The following SLC2A14 variants were observed in gnomAD, a reference collection of about 807,000 sequenced individuals.
SLC2A14 encodes the protein solute carrier family 2, facilitated glucose transporter member 14.
In SLC2A14, 13 loss-of-function variants were observed where a neutral mutation model predicts 43.0. The ratio of observed to expected loss-of-function variants is 0.30; its 90% CI spans 0.20 to 0.48. SLC2A14 has a LOEUF of 0.48. Ranked by LOEUF, SLC2A14 falls within the 20% of genes least tolerant of loss-of-function variation. The pLI is 0.99. For missense variants in SLC2A14, 428 were observed against 620.4 expected (o/e 0.69, Z 3.29); for synonymous variants, 190 against 233.8 (o/e 0.81, Z 1.71).
At chr12:7,886,693 T>C (rs886391439) in intron 1 of SLC2A14, among the ~76,000 whole-genome samples, 6 of 152,034 alleles carry the variant, frequency 3.9e-5, no homozygotes, top group African/African-American at 1.4e-4. Context: ...GAAGGAAGAC[T>C]GTTAGTTGTG....
intron 2 of SLC2A14, among the ~76,000 whole-genome samples, chr12:7,864,946 G>T (rs984477891): frequency 1.3e-5 from 2 of 152,056 alleles, no homozygotes; most frequent in Non-Finnish European, 2.9e-5. Flanking sequence ...CCGTAAAGAG[G>T]CCTTCCCTGA....
rs375774869 is a variant in SLC2A14, at chr12:7,814,396, C to A, written c.1414G>T (p.Gly472Cys). The A allele has an allele frequency of 6.2e-7, 1 of 1,612,954 alleles. No homozygotes were observed. The highest frequency in any genetic ancestry group is 1.3e-5 in the African/African-American group (1 of 74,750). The change falls in exon 11 of 11, where the codon GGT (glycine) becomes TGT (cysteine). Residue 472 changes from glycine (G) to cysteine (C), a missense_variant. Physicochemically the swap from Gly to Cys is radical, Grantham distance 159. Around this residue, in one of 4 missense-constraint regions of SLC2A14, gnomAD observed 119 missense variants for 188.7 expected, o/e 0.63. Transcript: ENST00000431042. Reference sequence around the variant, plus strand: ...CCGTCCTTCCCAGATCTATCTGCACCGTGTGCCTGCCCTTCAAAGGCCCGT... The same window carrying A: ...CCGTCCTTCCCAGATCTATCTGCACAGTGTGCCTGCCCTTCAAAGGCCCGT... Reference protein sequence around the residue: ...ITRAFEGQAHGADRSGKDGVM... With the variant: ...ITRAFEGQAHCADRSGKDGVM...
chr12:7,887,600 G>C (rs887865002), intron 1 of SLC2A14, among the ~76,000 whole-genome samples: 3 of 133,514 alleles, frequency 2.2e-5, no homozygotes, highest in Non-Finnish European at 3.4e-5. Flanking sequence ...TAGATAGATA[G>C]ATAGATAGAT....
chr12:7,860,762 G>C (rs779123391), intron 2 of SLC2A14: 1 of 152,254 alleles, frequency 6.6e-6, no homozygotes, highest in South Asian at 2.1e-4. Context: ...GTCAGGAATT[G>C]AGGCTGCTCC....
chr12:7,842,647 T>TG (rs1042905877), intron 2 of SLC2A14, among the ~76,000 whole-genome samples: 8 of 148,828 alleles, frequency 5.4e-5, no homozygotes, highest in African/African-American at 2.0e-4. Flanking sequence ...ACCACCCCCC[T>TG]CCCCCCACTC....
At chr12:7,879,327 C>CAA (rs767648631) in intron 1 of SLC2A14, among the ~76,000 whole-genome samples, 3 of 100,298 alleles carry the variant, frequency 3.0e-5, no homozygotes, top group Non-Finnish European at 4.4e-5. Context: ...AAACAAACAA[C>CAA]AACAAAAAAA....
chr12:7,870,298 C>T (rs1279199170), intron 1 of SLC2A14, among the ~76,000 whole-genome samples: 1 of 152,124 alleles, frequency 6.6e-6, no homozygotes, highest in East Asian at 1.9e-4. Context: ...ATCTTGCTGT[C>T]ATAAAATTCT....
chr12:7,827,026 TTCTC>T (rs146937438), intron 7 of SLC2A14, among the ~76,000 whole-genome samples: 26,276 of 132,366 alleles, frequency 0.2, 2,886 homozygotes, highest in East Asian at 0.37. Context: ...TTTCTCTCCT[TTCTC>T]TCTCTTTCTC....
chr12:7,880,613 G>T (rs1370716408), intron 1 of SLC2A14, among the ~76,000 whole-genome samples: 1 of 150,486 alleles, frequency 6.6e-6, no homozygotes, highest in Non-Finnish European at 1.5e-5. Context: ...TGGATCACGA[G>T]GTCAGGAGAT....
At chr12:7,868,223 G>A (rs999808884) in intron 2 of SLC2A14, among the ~76,000 whole-genome samples, 3 of 152,168 alleles carry the variant, frequency 2.0e-5, no homozygotes, top group African/African-American at 7.2e-5. Flanking sequence ...ATTATGACAT[G>A]CTGAAGGCTC....
intron 1 of SLC2A14, chr12:7,872,527 C>T (rs1251370652): frequency 6.5e-6 from 1 of 153,410 alleles, no homozygotes; most frequent in South Asian, 2.1e-4. Context: ...TGTCTCTTCC[C>T]TAGAATATAC....
At chr12:7,884,074 C>T (rs1203316242) in intron 1 of SLC2A14, among the ~76,000 whole-genome samples, 6 of 148,484 alleles carry the variant, frequency 4.0e-5, no homozygotes, top group Admixed American at 6.8e-5. Context: ...CAGGCGCCTG[C>T]CACCACAACT....
intron 7 of SLC2A14, 46 bp from the exon 8 acceptor site, chr12:7,821,371 A>T (rs746735592): frequency 2.0e-6 from 3 of 1,504,712 alleles, no homozygotes; most frequent in South Asian, 2.3e-5. Context: ...TCTGCACACC[A>T]CTTACACAGA....
chr12:7,847,786 C>T (rs1216549095), intron 2 of SLC2A14, among the ~76,000 whole-genome samples: 3 of 151,922 alleles, frequency 2.0e-5, no homozygotes, highest in African/African-American at 7.3e-5. Context: ...GTGACAGAAG[C>T]AGAAACAAAA....
In SLC2A14 at chr12:7,847,304, G is replaced by C. The variant is rs772823229; in HGVS notation, c.19-14490C>G. 8.5e-5 allele frequency among the ~76,000 whole-genome samples: 13 copies of C among 152,166 alleles called. No individual in the cohort carries two copies. In the South Asian group the frequency reaches 2.7e-3, roughly 32 times the overall value. On this transcript the variant is annotated intron_variant, in intron 2 of 10. Coordinates refer to ENST00000431042, the MANE Select transcript of SLC2A14 (RefSeq NM_001286234.2). ...TATACATGTGGCTGATCTGAGTACAGTGGTGTTTGTACCACTGTACCAATT... is the reference window on the plus strand; with the variant it reads ...TATACATGTGGCTGATCTGAGTACACTGGTGTTTGTACCACTGTACCAATT...
At chr12:7,833,248 G>A (rs1221446805) in intron 2 of SLC2A14, among the ~76,000 whole-genome samples, 2 of 152,190 alleles carry the variant, frequency 1.3e-5, no homozygotes, top group African/African-American at 4.8e-5. Context: ...AGACTCCACG[G>A]AAGCCCAGTG....
chr12:7,824,086 T>C (rs1864148396), intron 7 of SLC2A14, among the ~76,000 whole-genome samples: 1 of 151,980 alleles, frequency 6.6e-6, no homozygotes, highest in Non-Finnish European at 1.5e-5. Context: ...TGAAACCCTG[T>C]CTCTATTAAA....
At chr12:7,828,398 G>A (rs1194258359) in intron 6 of SLC2A14, among the ~76,000 whole-genome samples, 4 of 150,842 alleles carry the variant, frequency 2.7e-5, no homozygotes, top group Non-Finnish European at 2.9e-5. Context: ...GTAGCCAGGC[G>A]TGGTGTGGTG....
intron 10 of SLC2A14, 99 bp from the exon 11 acceptor site, chr12:7,814,633 T>A: frequency 2.4e-6 from 3 of 1,246,376 alleles, no homozygotes; most frequent in Non-Finnish European, 3.3e-6. Flanking sequence ...CTTCAAGCTA[T>A]AACCCTTCCA....
Sources: allele counts gnomAD v4.1 joint callset (sites outside exome capture counted in the v4.1 genomes callset), GRCh38; gene constraint gnomAD v4.1.1; regional missense constraint gnomAD v4.1.1; transcripts MANE v1.5; gene names NCBI Gene and HGNC (gene_info 2026-07-23, HGNC 2026-07-21).